Variants in DNMBP observed in about 807,000 individuals in gnomAD.
The protein encoded by DNMBP is dynamin-binding protein.
A neutral mutation model predicts 150.0 loss-of-function variants in DNMBP; 87 were observed. The observed-to-expected ratio is 0.58, with a 90% CI of 0.49 to 0.69. The LOEUF (loss-of-function observed/expected upper bound fraction) is 0.69, where lower values mean the gene tolerates loss of function less well. Among genes scored for constraint, DNMBP ranks in the 30% least tolerant of loss-of-function variants. The pLI is 0.00. For synonymous variants in DNMBP, 711 were observed against 750.4 expected (o/e 0.95, Z 0.86); for missense variants, 1,774 against 1,949.0 (o/e 0.91, Z 1.69).
chr10:99,924,484 C>G (rs551106773), intron 4 of DNMBP, among the ~76,000 whole-genome samples: 1 of 152,240 alleles, frequency 6.6e-6, no homozygotes, highest in South Asian at 2.1e-4. Flanking sequence ...AACAAAAAAC[C>G]TGGTCTACCT....
In DNMBP at chr10:100,003,524, G is replaced by C. The variant is rs73333964; in HGVS notation, c.-11+6314C>G. ...AAAATTATAAAAATGTCAGAAAAAT[G>C]AGCTGAATAAACGGAAAGACACATT... On this transcript the variant is annotated intron_variant, in intron 1 of 16. Coordinates refer to ENST00000324109, the MANE Select transcript of DNMBP (RefSeq NM_015221.4). 4.3e-3 allele frequency among the ~76,000 whole-genome samples: 648 copies of C among 152,284 alleles called. 3 individuals are homozygous for C. The highest frequency in any genetic ancestry group is 0.015 in the African/African-American group (614 of 41,560).
chr10:99,891,220 C>T (rs1214990371), intron 11 of DNMBP, among the ~76,000 whole-genome samples: 2 of 147,478 alleles, frequency 1.4e-5, no homozygotes, highest in East Asian at 4.1e-4. Context: ...TCCACGGTCT[C>T]CCTCTCATGC....
At chr10:99,912,213 T>C (rs1269635646) in intron 4 of DNMBP, among the ~76,000 whole-genome samples, 1 of 152,180 alleles carries the variant, frequency 6.6e-6, no homozygotes, top group Non-Finnish European at 1.5e-5. Context: ...CCTGTGCACT[T>C]AATCCTGCAC....
At chr10:99,964,030 G>A (rs1026239019) in intron 3 of DNMBP, among the ~76,000 whole-genome samples, 2 of 151,814 alleles carry the variant, frequency 1.3e-5, no homozygotes, top group African/African-American at 4.8e-5. Flanking sequence ...AAGGGATGAG[G>A]ATTCTGTCTT....
chr10:99,968,958 T>C (rs2040647652), intron 3 of DNMBP, among the ~76,000 whole-genome samples, 157 bp downstream of exon 3: 1 of 152,170 alleles, frequency 6.6e-6, no homozygotes, highest in African/African-American at 2.4e-5. Context: ...AAAATGGTAC[T>C]AAACTATAAG....
chr10:99,888,383 G>A (rs1004706985), intron 12 of DNMBP, among the ~76,000 whole-genome samples: 7 of 151,954 alleles, frequency 4.6e-5, no homozygotes, highest in South Asian at 2.1e-4. Flanking sequence ...GCTAATTTTT[G>A]TATTTTTAGT....
intron 13 of DNMBP, 61 bp from the exon 14 acceptor site, chr10:99,885,927 A>G (rs965806045): frequency 1.4e-6 from 2 of 1,424,070 alleles, no homozygotes; most frequent in African/African-American, 2.9e-5. Flanking sequence ...AAGATCCCAG[A>G]GAAAAGAAGA....
At chr10:99,972,360 C>T (rs898478564) in intron 1 of DNMBP, among the ~76,000 whole-genome samples, 8 of 152,058 alleles carry the variant, frequency 5.3e-5, no homozygotes, top group African/African-American at 1.4e-4. Context: ...GCCTCGACTT[C>T]CTGGGCTCAG....
chr10:99,968,357 C>T (rs1473353112), intron 3 of DNMBP, among the ~76,000 whole-genome samples: 2 of 152,040 alleles, frequency 1.3e-5, no homozygotes, highest in Non-Finnish European at 1.5e-5. Context: ...TCCGCCCACG[C>T]CCCGTATCAG....
intron 4 of DNMBP, among the ~76,000 whole-genome samples, chr10:99,932,044 A>G (rs761302052): frequency 2.6e-5 from 4 of 152,242 alleles, no homozygotes; most frequent in Admixed American, 6.5e-5. Flanking sequence ...GAGGATGTCA[A>G]TGACATTTAT....
chr10:99,990,947 A>C (rs1445112891), intron 1 of DNMBP, among the ~76,000 whole-genome samples: 1 of 152,006 alleles, frequency 6.6e-6, no homozygotes, highest in African/African-American at 2.4e-5. Flanking sequence ...TCATTTTTTA[A>C]AAACAGGTTT....
intron 12 of DNMBP, among the ~76,000 whole-genome samples, chr10:99,887,255 G>T (rs1206488263): frequency 6.6e-6 from 1 of 152,134 alleles, no homozygotes; most frequent in Non-Finnish European, 1.5e-5. Context: ...TTTTCTCTTG[G>T]TTGGGAACGG....
intron 12 of DNMBP, among the ~76,000 whole-genome samples, chr10:99,887,470 T>C (rs1407137635): frequency 1.3e-5 from 2 of 151,728 alleles, no homozygotes; most frequent in African/African-American, 4.8e-5. Flanking sequence ...GAGGTTGCAG[T>C]GAGCAGAGAT....
intron 1 of DNMBP, among the ~76,000 whole-genome samples, chr10:99,978,323 C>T (rs757374466): frequency 5.9e-5 from 9 of 152,154 alleles, no homozygotes; most frequent in Non-Finnish European, 1.2e-4. Context: ...CAACATTTAA[C>T]TATGAAAATT....
At chr10:99,898,611 G>T (rs1365580591) in intron 8 of DNMBP, 132 bp downstream of exon 8, 1 of 976,462 alleles carries the variant, frequency 1.0e-6, no homozygotes, top group African/African-American at 1.6e-5. Flanking sequence ...TAAGTGCTAC[G>T]AAAGAAAACC....
intron 1 of DNMBP, among the ~76,000 whole-genome samples, chr10:99,989,383 T>C (rs1317046685): frequency 6.6e-6 from 1 of 152,164 alleles, no homozygotes; most frequent in African/African-American, 2.4e-5. Context: ...AGCCCCTGGC[T>C]CTTTAGCCTG....
At chr10:100,001,845 G>GACCTCAAAAGTACTTC (rs1377976860) in intron 1 of DNMBP, among the ~76,000 whole-genome samples, 3 of 152,204 alleles carry the variant, frequency 2.0e-5, no homozygotes, top group Non-Finnish European at 4.4e-5. Context: ...GAAGCAAAGA[G>GACCTCAAAAGTACTTC]ACCTCAAAAG....
At position 99,879,837 on chromosome 10, in the gene DNMBP, C is replaced by CT; in HGVS notation, c.4521dup (p.Asp1508ArgfsTer4). The CT allele has an allele frequency of 6.2e-7, 1 of 1,614,254 alleles. No homozygotes were observed. Among genetic ancestry groups the CT allele is most frequent in the Non-Finnish European group, 8.5e-7 (1 of 1,180,040 alleles). ...TGGTTGCCTTCTGCCTCACTGCCAT[C>CT]TGGCTCTGTACTTCTGTCTTCCGGA... On this transcript the variant is annotated frameshift_variant, in exon 16 of 17. Coordinates refer to ENST00000324109, the MANE Select transcript of DNMBP (RefSeq NM_015221.4). LOFTEE classifies it high-confidence loss of function.
In DNMBP at chr10:99,877,176, T is replaced by G. The variant is rs758023853; in HGVS notation, c.4709A>C (p.Tyr1570Ser). 1 of 1,612,478 alleles carries G rather than the reference T, an allele frequency of 6.2e-7. No homozygotes were observed. Among genetic ancestry groups the G allele is most frequent in the Non-Finnish European group, 8.5e-7 (1 of 1,179,404 alleles). The change falls in exon 17 of 17, where the codon TAT becomes TCT. Residue 1570 changes from tyrosine (Y) to serine (S), a missense_variant. By Grantham distance (144) the Tyr-to-Ser change is moderately radical. Transcript: ENST00000324109. The stretch of plus-strand genomic sequence containing the variant: ...TCAGGTGTACTCGGTTTTGCGGATA[T>G]AATTGGAGGGAACGTAGCCCTTCTT... ...NGKKGYVPSN[Y>S]IRKTEYT
Sources: allele counts gnomAD v4.1 joint callset (sites outside exome capture counted in the v4.1 genomes callset), GRCh38; gene constraint gnomAD v4.1.1; transcripts MANE v1.5; gene names NCBI Gene and HGNC (gene_info 2026-07-23, HGNC 2026-07-21).